PRKG1: variants seen among roughly 807,000 people sequenced by gnomAD.
PRKG1 encodes protein kinase cGMP-dependent 1, also known as cGMP-dependent protein kinase 1.
In PRKG1, 35 loss-of-function variants were observed where a neutral mutation model predicts 88.1. The ratio of observed to expected loss-of-function variants is 0.40; its 90% CI spans 0.30 to 0.53. The LOEUF (loss-of-function observed/expected upper bound fraction) is 0.53, where lower values mean the gene tolerates loss of function less well. Ranked by LOEUF, PRKG1 falls within the 20% of genes least tolerant of loss-of-function variation. The probability of loss-of-function intolerance (pLI) is 0.59; values close to 1 mark genes in which losing one functional copy is unlikely to be tolerated. For synonymous variants in PRKG1, 303 were observed against 292.5 expected (o/e 1.04, Z -0.37); for missense variants, 540 against 839.8 (o/e 0.64, Z 4.41).
At chr10:51,726,765 T>C (rs12221288) in intron 3 of PRKG1, among the ~76,000 whole-genome samples, 15,961 of 152,112 alleles carry the variant, frequency 0.1, 1,112 homozygotes, top group African/African-American at 0.19. Flanking sequence ...TATGAAGTAG[T>C]CTGACATATT....
chr10:51,249,543 G>C lies in PRKG1; in HGVS notation c.478+96213G>C, dbSNP rs530086406. Among the ~76,000 whole-genome samples the C allele has an allele frequency of 1.8e-4, 28 of 151,886 alleles. No homozygotes were observed. The South Asian group carries it at 5.8e-3, about 32-fold the overall frequency. ...TATATTCTAATCAGACATATTTTAG[G>C]TGATATTTTGAATGCTAATAGTGTT... is the stretch of plus-strand genomic sequence containing the variant. On this transcript the variant is annotated intron_variant, in intron 2 of 17. Coordinates refer to ENST00000373980, the MANE Select transcript of PRKG1 (RefSeq NM_006258.4).
At chr10:51,917,160 A>T (rs1842359575) in intron 5 of PRKG1, among the ~76,000 whole-genome samples, 1 of 152,050 alleles carries the variant, frequency 6.6e-6, no homozygotes, top group Non-Finnish European at 1.5e-5. Flanking sequence ...CCTACTAAAA[A>T]TACAAAAAAT....
At chr10:51,621,008 T>C (rs1246660686) in intron 3 of PRKG1, among the ~76,000 whole-genome samples, 1 of 13,690 alleles carries the variant, frequency 7.3e-5, no homozygotes. Flanking sequence ...TGTATATGTG[T>C]GTATATATAT....
chr10:51,952,829 C>T (rs1843216812), intron 5 of PRKG1, among the ~76,000 whole-genome samples: 1 of 152,118 alleles, frequency 6.6e-6, no homozygotes. Context: ...TTATGTATCT[C>T]AAAGTCATTT....
intron 3 of PRKG1, among the ~76,000 whole-genome samples, chr10:51,637,929 G>A (rs1323077413): frequency 6.6e-6 from 1 of 152,104 alleles, no homozygotes; most frequent in African/African-American, 2.4e-5. Context: ...ACTTAAAATA[G>A]AAGTTGAAGA....
intron 3 of PRKG1, among the ~76,000 whole-genome samples, chr10:51,607,725 G>A (rs533268255): frequency 1.3e-5 from 2 of 152,310 alleles, no homozygotes; most frequent in East Asian, 3.9e-4. Context: ...TTGAAATGAT[G>A]ACTACATTTT....
In PRKG1 at chr10:51,377,380, A is replaced by G. The variant is rs146496246; in HGVS notation, c.479-90343A>G. 6.5e-3 allele frequency among the ~76,000 whole-genome samples: 984 copies of G among 152,356 alleles called. 4 individuals carry two copies. Among genetic ancestry groups the G allele is most frequent in the Admixed American group, 9.5e-3 (146 of 15,310 alleles). ...TTGATACATGATAGGAGCTCAGTAA[A>G]TGAAGGCCATTACTATCATATTATG... On this transcript the variant is annotated intron_variant, in intron 2 of 17. Transcript: ENST00000373980.
chr10:51,433,357 T>C (rs960754330), intron 2 of PRKG1, among the ~76,000 whole-genome samples: 4 of 152,150 alleles, frequency 2.6e-5, no homozygotes, highest in Non-Finnish European at 4.4e-5. Context: ...CTGTGCATCC[T>C]GGTTGCCCCA....
intron 4 of PRKG1, among the ~76,000 whole-genome samples, chr10:51,816,037 C>T (rs1247006009): frequency 6.6e-6 from 1 of 152,212 alleles, no homozygotes; most frequent in Admixed American, 6.5e-5. Context: ...TCCTTACACA[C>T]ATTATTATCT....
chr10:51,522,617 G>A (rs1037338836), intron 3 of PRKG1, among the ~76,000 whole-genome samples: 5 of 152,266 alleles, frequency 3.3e-5, no homozygotes, highest in East Asian at 1.9e-4. Context: ...ATGTGAATGA[G>A]GGTGTGTAGA....
Position 51,074,527 on chromosome 10 carries a change from G to T in PRKG1, c.-64G>T, listed in dbSNP as rs898690287. On this transcript the variant is annotated 5_prime_UTR_variant, in exon 1 of 18. Transcript: ENST00000373980. ...GCGACTTTGGGGAAAGTTGATCGGA[G>T]AGGGGAGGAAGCCTCAAGACGCGGA... 4.2e-5 allele frequency: 65 copies of T among 1,549,236 alleles called. No homozygotes were observed. Among genetic ancestry groups the T allele is most frequent in the Non-Finnish European group, 5.6e-5 (64 of 1,146,418 alleles).
chr10:51,560,174 T>C (rs1837422314), intron 3 of PRKG1, among the ~76,000 whole-genome samples: 1 of 152,102 alleles, frequency 6.6e-6, no homozygotes, highest in Non-Finnish European at 1.5e-5. Context: ...CATTCCCCTT[T>C]TGGTGGGTAG....
intron 3 of PRKG1, among the ~76,000 whole-genome samples, chr10:51,788,487 A>AT (rs1164663985): frequency 6.6e-6 from 1 of 152,056 alleles, no homozygotes; most frequent in African/African-American, 2.4e-5. Flanking sequence ...TTTCCTGGTG[A>AT]TTTTTTTCCC....
intron 3 of PRKG1, among the ~76,000 whole-genome samples, chr10:51,631,519 G>A: frequency 6.6e-6 from 1 of 152,180 alleles, no homozygotes; most frequent in East Asian, 1.9e-4. Context: ...ACCATTCACT[G>A]ATAGGGTTTT....
At chr10:51,182,946 G>GA in intron 2 of PRKG1, among the ~76,000 whole-genome samples, 1 of 152,066 alleles carries the variant, frequency 6.6e-6, no homozygotes, top group Middle Eastern at 3.4e-3. Flanking sequence ...ATTTCAGTGG[G>GA]AAAAAAGTAG....
Position 51,755,418 on chromosome 10 carries a change from C to A in PRKG1, c.593-49167C>A, listed in dbSNP as rs571396554. On this transcript the variant is annotated intron_variant, in intron 3 of 17. Coordinates refer to ENST00000373980, the MANE Select transcript of PRKG1 (RefSeq NM_006258.4). The stretch of plus-strand genomic sequence containing the variant: ...GGGAGCTAGGCTTTCTCAACTATCT[C>A]ACCTAGTAAACAATCCACTTAGAAA... Among the ~76,000 whole-genome samples the A allele has an allele frequency of 2.6e-4, 40 of 152,284 alleles. No individual in the cohort carries two copies. In the South Asian group the frequency reaches 7.0e-3, roughly 27 times the overall value.
At position 51,818,779 on chromosome 10, in the gene PRKG1, G is replaced by A. The variant is rs1278960329; in HGVS notation, c.698+14089G>A. Among the ~76,000 whole-genome samples, 7 of 138,114 alleles carry A rather than the reference G, an allele frequency of 5.1e-5. 2 individuals are homozygous for A. Among genetic ancestry groups the A allele is most frequent in the African/African-American group, 9.8e-5 (3 of 30,720 alleles). The allele number at this position is 138,114 out of a possible 152,430, so 90.6% of individuals were successfully genotyped here. ...TCCCAGCACTTTGGGAGGCCGAGGC[G>A]GGCGGATCACGAGGTCAGGAGATCG... On this transcript the variant is annotated intron_variant, in intron 4 of 17. Coordinates refer to ENST00000373980, the MANE Select transcript of PRKG1 (RefSeq NM_006258.4).
intron 3 of PRKG1, among the ~76,000 whole-genome samples, chr10:51,557,368 A>T (rs1027552502): frequency 2.6e-5 from 4 of 151,820 alleles, no homozygotes; most frequent in African/African-American, 9.7e-5. Context: ...CCACACACAA[A>T]AACTCATAAT....
chr10:51,239,763 G>A (rs1249712333), intron 2 of PRKG1, among the ~76,000 whole-genome samples: 1 of 152,116 alleles, frequency 6.6e-6, no homozygotes, highest in Non-Finnish European at 1.5e-5. Context: ...GAACCAGATC[G>A]ACCTGGGTTG....
Sources: gnomAD v4.1 joint callset for allele counts (sites outside exome capture counted in the v4.1 genomes callset) on GRCh38, gnomAD v4.1.1 for gene constraint, MANE v1.5 for transcripts, NCBI Gene and HGNC (gene_info 2026-07-23, HGNC 2026-07-21) for gene names.